Variants in HBS1L observed in about 807,000 individuals in gnomAD.
HBS1L encodes the protein HBS1-like protein.
Under a neutral mutation model 88.9 loss-of-function variants are expected in HBS1L, and 55 were observed. The ratio of observed to expected loss-of-function variants is 0.62; its 90% CI spans 0.50 to 0.77. The LOEUF (loss-of-function observed/expected upper bound fraction) is 0.77, where lower values mean the gene tolerates loss of function less well. Among genes scored for constraint, HBS1L ranks in the 30% least tolerant of loss-of-function variants. The probability of loss-of-function intolerance (pLI) is 0.00; values close to 1 mark genes in which losing one functional copy is unlikely to be tolerated. For synonymous variants in HBS1L, 267 were observed against 288.5 expected (o/e 0.93, Z 0.76); for missense variants, 741 against 829.3 (o/e 0.89, Z 1.31).
intron 4 of HBS1L, among the ~76,000 whole-genome samples, chr6:135,034,569 G>A (rs763002253): frequency 1.3e-5 from 2 of 152,154 alleles, no homozygotes; most frequent in Non-Finnish European, 2.9e-5. Context: ...GCTTGAACCC[G>A]AGAGGCGGAG....
intron 1 of HBS1L, among the ~76,000 whole-genome samples, chr6:135,051,216 T>C (rs936139145): frequency 2.7e-5 from 4 of 150,002 alleles, no homozygotes; most frequent in African/African-American, 9.8e-5. Context: ...AGAGCAAGAC[T>C]CCGTCTCAAA....
At chr6:135,050,272 A>C (rs1390637319) in intron 2 of HBS1L, among the ~76,000 whole-genome samples, 3 of 152,240 alleles carry the variant, frequency 2.0e-5, no homozygotes, top group Admixed American at 2.0e-4. Context: ...GCCTGCCTCC[A>C]GAGGCTTCAG....
intron 4 of HBS1L, among the ~76,000 whole-genome samples, chr6:135,010,751 G>A (rs1775752114): frequency 6.6e-6 from 1 of 152,116 alleles, no homozygotes; most frequent in Non-Finnish European, 1.5e-5. Flanking sequence ...AGTTGATGTT[G>A]AAGTTCATCT....
chr6:135,037,542 C>G, intron 4 of HBS1L: 1 of 1,550,712 alleles, frequency 6.4e-7, no homozygotes, highest in Admixed American at 2.0e-5. Flanking sequence ...GAAAATCAGA[C>G]AGTGAATTAT....
intron 8 of HBS1L, among the ~76,000 whole-genome samples, chr6:134,993,414 T>C (rs764625568): frequency 1.3e-5 from 2 of 152,176 alleles, no homozygotes; most frequent in Non-Finnish European, 2.9e-5. Flanking sequence ...AACTTGAATA[T>C]ATTGAAAGAC....
rs992797286 is a variant in HBS1L, at chr6:134,993,780, T to C, written c.1061A>G (p.Asn354Ser). Residue 354 changes from asparagine (N) to serine (S), a missense_variant, in exon 8 of 18, where the codon AAT (asparagine) becomes AGT (serine). Around this residue, in one of 3 missense-constraint regions of HBS1L, gnomAD observed 556 missense variants for 598.4 expected, o/e 0.93. Coordinates refer to ENST00000367837, the MANE Select transcript of HBS1L (RefSeq NM_006620.4). ...TACCTGGGCTGCTCCTGTAATCATATTTGGAATGAAGTCCTTATGGCCTGG... is the reference window on the plus strand; with the variant it reads ...TACCTGGGCTGCTCCTGTAATCATACTTGGAATGAAGTCCTTATGGCCTGG... ...DAPGHKDFIPNMITGAAQADV... is the reference protein window; with the variant it reads ...DAPGHKDFIPSMITGAAQADV... 6.3e-7 allele frequency: 1 copy of C among 1,590,242 alleles called. No individual in the cohort carries two copies. Among genetic ancestry groups the C allele is most frequent in the Non-Finnish European group, 8.6e-7 (1 of 1,163,158 alleles).
intron 4 of HBS1L, among the ~76,000 whole-genome samples, chr6:135,039,299 CAG>C (rs1776653795): frequency 6.6e-6 from 1 of 152,088 alleles, no homozygotes; most frequent in Admixed American, 6.6e-5. Context: ...GCCTGGGTGA[CAG>C]AGTGAGACTC....
intron 4 of HBS1L, among the ~76,000 whole-genome samples, chr6:135,012,157 T>C (rs140824528): frequency 0.011 from 1,620 of 152,138 alleles, 25 homozygotes; most frequent in African/African-American, 0.037. Flanking sequence ...TGACAAAAAA[T>C]TGTAGATGTA....
At chr6:134,981,437 T>G (rs1444935643) in intron 13 of HBS1L, among the ~76,000 whole-genome samples, 2 of 151,990 alleles carry the variant, frequency 1.3e-5, no homozygotes, top group East Asian at 3.9e-4. Context: ...TATTCATCTT[T>G]AAATATAGGT....
intron 4 of HBS1L, among the ~76,000 whole-genome samples, chr6:135,016,789 C>T (rs1424958575): frequency 6.6e-6 from 1 of 152,066 alleles, no homozygotes; most frequent in Non-Finnish European, 1.5e-5. Flanking sequence ...GTGCCTGGTA[C>T]ATATTAGGCA....
At chr6:134,993,538 C>A (rs1010041473) in intron 8 of HBS1L, among the ~76,000 whole-genome samples, 4 of 152,106 alleles carry the variant, frequency 2.6e-5, no homozygotes, top group Non-Finnish European at 5.9e-5. Flanking sequence ...AGCTTTTATA[C>A]ATTTTGTTTC....
chr6:135,002,050 C>A (rs1328695605), intron 5 of HBS1L, among the ~76,000 whole-genome samples: 1 of 119,716 alleles, frequency 8.4e-6, no homozygotes, highest in Non-Finnish European at 1.8e-5. Context: ...AGACAAAATA[C>A]ATATAATTTA....
intron 4 of HBS1L, among the ~76,000 whole-genome samples, chr6:135,014,710 G>T (rs1354994879): frequency 6.6e-6 from 1 of 151,946 alleles, no homozygotes; most frequent in Non-Finnish European, 1.5e-5. Flanking sequence ...TTTGGTCAGA[G>T]ATTCCTTTAA....
intron 2 of HBS1L, among the ~76,000 whole-genome samples, chr6:135,049,680 T>C (rs1777018673): frequency 6.6e-6 from 1 of 152,158 alleles, no homozygotes; most frequent in African/African-American, 2.4e-5. Context: ...CAAGCAATTC[T>C]CCTGCCTCAG....
chr6:135,043,504 G>A (rs1490425857), intron 2 of HBS1L, among the ~76,000 whole-genome samples: 1 of 152,184 alleles, frequency 6.6e-6, no homozygotes, highest in Non-Finnish European at 1.5e-5. Flanking sequence ...CAGTGTATGT[G>A]TAACACCTAT....
At chr6:134,976,098 C>T (rs922067721) in intron 15 of HBS1L, among the ~76,000 whole-genome samples, 1 of 152,034 alleles carries the variant, frequency 6.6e-6, no homozygotes, top group Non-Finnish European at 1.5e-5. Flanking sequence ...GGGCAAGTGA[C>T]ATGAGCAGAC....
At chr6:135,036,563 C>A in intron 4 of HBS1L, 1 of 1,478,012 alleles carries the variant, frequency 6.8e-7, no homozygotes, top group Middle Eastern at 1.8e-4. Flanking sequence ...TGTTACTATT[C>A]TCTAGTAAAT....
chr6:135,036,167 T>G (rs1294849345), intron 4 of HBS1L: 1 of 830,800 alleles, frequency 1.2e-6, no homozygotes, highest in African/African-American at 1.9e-5. Context: ...ATCTTCACAC[T>G]AAACTATAAT....
At chr6:135,024,911 C>T (rs767514676) in intron 4 of HBS1L, among the ~76,000 whole-genome samples, 4 of 151,990 alleles carry the variant, frequency 2.6e-5, no homozygotes, top group African/African-American at 7.3e-5. Flanking sequence ...AATCTTCTTC[C>T]GGAATGCTTA....
Sources: gnomAD v4.1 joint callset for allele counts (sites outside exome capture counted in the v4.1 genomes callset) on GRCh38, gnomAD v4.1.1 for gene constraint, gnomAD v4.1.1 regional missense constraint, MANE v1.5 for transcripts, NCBI Gene and HGNC (gene_info 2026-07-23, HGNC 2026-07-21) for gene names.